The following RYR3 variants were observed in gnomAD, a reference collection of about 807,000 sequenced individuals.
RYR3 encodes the protein ryanodine receptor 3, also known as brain ryanodine receptor-calcium release channel.
RYR3 carries 207 observed loss-of-function variants against 584.3 expected under a neutral mutation model. That is an observed-to-expected ratio of 0.35 (90% CI 0.32 to 0.40). RYR3 has a LOEUF of 0.40. RYR3 is among the 10% of genes least tolerant of loss of function. RYR3 has a pLI of 1.00. For missense variants in RYR3, 5,616 were observed against 6,089.2 expected (o/e 0.92, Z 2.59); for synonymous variants, 2,416 against 2,248.5 (o/e 1.07, Z -2.11).
At chr15:33,427,316 A>G (rs1325837530) in intron 1 of RYR3, among the ~76,000 whole-genome samples, 1 of 152,178 alleles carries the variant, frequency 6.6e-6, no homozygotes, top group African/African-American at 2.4e-5. Flanking sequence ...CTACAGGCCA[A>G]AATGATTCAA....
chr15:33,844,357 C>G (rs1207581846), intron 92 of RYR3, among the ~76,000 whole-genome samples: 2 of 152,198 alleles, frequency 1.3e-5, no homozygotes, highest in Non-Finnish European at 2.9e-5. Context: ...GCAGTTGGAG[C>G]TACAGGACAA....
At chr15:33,669,857 G>GGGGGGGGGGGGGGGGGGGT (rs1555401713) in intron 37 of RYR3, among the ~76,000 whole-genome samples, 1 of 60,254 alleles carries the variant, frequency 1.7e-5, no homozygotes, top group Non-Finnish European at 3.1e-5. Flanking sequence ...GGGGGGGGGG[G>GGGGGGGGGGGGGGGGGGGT]GTGTGGGTGT....
At chr15:33,583,062 TG>T (rs1442043342) in intron 14 of RYR3, among the ~76,000 whole-genome samples, 4 of 152,158 alleles carry the variant, frequency 2.6e-5, no homozygotes, top group African/African-American at 9.7e-5. Flanking sequence ...CATCTGCCAG[TG>T]GCTTTCAAGT....
intron 36 of RYR3, among the ~76,000 whole-genome samples, chr15:33,669,091 T>C (rs1304387258): frequency 6.6e-6 from 1 of 152,192 alleles, no homozygotes; most frequent in Non-Finnish European, 1.5e-5. Context: ...GCTAAAATAT[T>C]AACAGTAGTT....
At position 33,796,486 on chromosome 15, in the gene RYR3, C is replaced by G. The variant is rs1040311173; in HGVS notation, c.9831-4284C>G. On this transcript the variant is annotated intron_variant, in intron 67 of 103. Coordinates refer to ENST00000634891, the MANE Select transcript of RYR3 (RefSeq NM_001036.6). ...TGAATCTCCTTCCTTCTGCCACCCC[C>G]CAGGATTCTGTTCTTATGCTTCTTG... 5.3e-5 allele frequency among the ~76,000 whole-genome samples: 8 copies of G among 152,242 alleles called. No homozygotes were observed. In the South Asian group the frequency reaches 8.3e-4, roughly 16 times the overall value.
chr15:33,848,538 C>T, intron 94 of RYR3, 117 bp downstream of exon 94: 1 of 1,163,892 alleles, frequency 8.6e-7, no homozygotes, highest in Admixed American at 2.7e-5. Flanking sequence ...ATTTCTAGGA[C>T]TTTTCTCCCT....
intron 52 of RYR3, among the ~76,000 whole-genome samples, chr15:33,744,303 C>A (rs963827388): frequency 2.6e-5 from 4 of 152,186 alleles, no homozygotes; most frequent in Non-Finnish European, 5.9e-5. Flanking sequence ...AGTTAAACAT[C>A]TACACATTTA....
At chr15:33,517,341 G>A (rs550074538) in intron 3 of RYR3, among the ~76,000 whole-genome samples, 62 of 152,296 alleles carry the variant, frequency 4.1e-4, no homozygotes, top group Non-Finnish European at 6.8e-4. Context: ...ATAATCCAGT[G>A]ATTGAAAAAG....
intron 42 of RYR3, among the ~76,000 whole-genome samples, chr15:33,702,050 G>A (rs1224843740): frequency 1.1e-4 from 16 of 152,158 alleles, no homozygotes; most frequent in Admixed American, 8.5e-4. Context: ...ATGAACTCAC[G>A]TGACCCTCAG....
chr15:33,831,425 A>G (rs541517509), intron 86 of RYR3, among the ~76,000 whole-genome samples: 40 of 152,366 alleles, frequency 2.6e-4, no homozygotes, highest in African/African-American at 8.7e-4. Flanking sequence ...TCTGGCATAT[A>G]TCTGTTCAGT....
At position 33,634,781 on chromosome 15, in the gene RYR3, C is replaced by T. The variant is rs761209647; in HGVS notation, c.3175+48C>T. On this transcript the variant is annotated intron_variant, in intron 25 of 103. Transcript: ENST00000634891. ...TCTGGCCCCAGTTTACTAAACAGGT[C>T]CTCTTCTTGGGGCATCCTAACTTCA... 4.5e-6 allele frequency: 7 copies of T among 1,555,604 alleles called. No individual in the cohort carries two copies. The South Asian group carries it at 7.8e-5, about 17-fold the overall frequency.
rs762468721 is a variant in RYR3 at position 33,647,445 on chromosome 15, C to T, written c.3963C>T (p.Leu1321=). The change falls in exon 30 of 104, where the codon CTC becomes CTT. Residue 1321 remains leucine (L), a synonymous_variant. Coordinates refer to ENST00000634891, the MANE Select transcript of RYR3 (RefSeq NM_001036.6). ...CCAGGAAACAGATGCAAGAAATACT[C>T]TCTCATACAACAACAGTAAGTAAAT... ...FQKRKQMQEI[L]SHTTTQCYYA... 23 of 1,606,518 alleles carry T rather than the reference C, an allele frequency of 1.4e-5. No homozygotes were observed. The highest frequency in any genetic ancestry group is 1.9e-5 in the Non-Finnish European group (22 of 1,173,292).
intron 2 of RYR3, among the ~76,000 whole-genome samples, chr15:33,486,273 C>T (rs1174060638): frequency 1.3e-5 from 2 of 152,204 alleles, no homozygotes. Flanking sequence ...GGCCATGCTC[C>T]TTCCAAAGTC....
At chr15:33,360,654 T>C (rs1009474940) in intron 1 of RYR3, among the ~76,000 whole-genome samples, 1 of 152,228 alleles carries the variant, frequency 6.6e-6, no homozygotes, top group Admixed American at 6.5e-5. Context: ...TGGCTTAAAA[T>C]ATATTTTGAA....
In RYR3 at chr15:33,562,936, A is replaced by G. The variant is rs757011633; in HGVS notation, c.1072A>G (p.Ile358Val). 1.3e-5 allele frequency: 21 copies of G among 1,613,752 alleles called. No homozygotes were observed. Among genetic ancestry groups the G allele is most frequent in the Admixed American group, 6.7e-5 (4 of 60,008 alleles). Reference protein sequence around the residue: ...YGDSVCFVQHIASGLWVTYKA... With the variant: ...YGDSVCFVQHVASGLWVTYKA... ...AGATTCTGTCTGCTTTGTGCAGCAT[A>G]TAGCCAGTGGTCTGTGGGTGACCTA... is the stretch of plus-strand genomic sequence containing the variant. Residue 358 changes from isoleucine (I) to valine (V), a missense_variant, in exon 11 of 104, where the codon ATA becomes GTA. Coordinates refer to ENST00000634891, the MANE Select transcript of RYR3 (RefSeq NM_001036.6).
chr15:33,787,690 G>A (rs936180816), intron 66 of RYR3, among the ~76,000 whole-genome samples: 7 of 152,152 alleles, frequency 4.6e-5, no homozygotes, highest in African/African-American at 1.4e-4. Flanking sequence ...GAGTCTCCAG[G>A]CAATAGGTTG....
At chr15:33,686,649 C>G (rs184566154) in intron 38 of RYR3, among the ~76,000 whole-genome samples, 1 of 152,184 alleles carries the variant, frequency 6.6e-6, no homozygotes, top group African/African-American at 2.4e-5. Flanking sequence ...ACCAATACCC[C>G]TGATGAACAC....
At chr15:33,570,305 TC>T (rs779774958) in intron 12 of RYR3, among the ~76,000 whole-genome samples, 1 of 152,148 alleles carries the variant, frequency 6.6e-6, no homozygotes, top group Non-Finnish European at 1.5e-5. Flanking sequence ...CATATGGATA[TC>T]AGATTTTCCC....
chr15:33,476,223 T>G (rs568191436), intron 2 of RYR3, among the ~76,000 whole-genome samples: 1 of 152,344 alleles, frequency 6.6e-6, no homozygotes, highest in East Asian at 1.9e-4. Context: ...CGAGCTAGAT[T>G]AGAAACAACA....
Sources: allele counts gnomAD v4.1 joint callset (sites outside exome capture counted in the v4.1 genomes callset), GRCh38; gene constraint gnomAD v4.1.1; transcripts MANE v1.5; gene names NCBI Gene and HGNC (gene_info 2026-07-23, HGNC 2026-07-21).